Variants in AFG1L observed in about 807,000 individuals in gnomAD.
AFG1L encodes AFG1 like ATPase.
A neutral mutation model predicts 62.2 loss-of-function variants in AFG1L; 53 were observed. The ratio of observed to expected loss-of-function variants is 0.85; its 90% CI spans 0.68 to 1.07. AFG1L has a LOEUF of 1.07. Ranked by LOEUF, AFG1L falls within the 50% of genes least tolerant of loss-of-function variation. The pLI is 0.00. For synonymous variants in AFG1L, 228 were observed against 210.3 expected (o/e 1.08, Z -0.73); for missense variants, 555 against 590.5 (o/e 0.94, Z 0.62).
intron 6 of AFG1L, among the ~76,000 whole-genome samples, chr6:108,382,813 G>A (rs2114560958): frequency 6.6e-6 from 1 of 152,284 alleles, no homozygotes; most frequent in South Asian, 2.1e-4. Context: ...GGGAAACTAG[G>A]AAAAAGCCAC....
intron 7 of AFG1L, among the ~76,000 whole-genome samples, chr6:108,446,650 G>A (rs916748906): frequency 3.9e-5 from 6 of 151,954 alleles, no homozygotes; most frequent in East Asian, 3.9e-4. Context: ...GACTACAGGC[G>A]TGTGCCACCA....
chr6:108,462,677 G>A (rs1772507853), intron 8 of AFG1L, among the ~76,000 whole-genome samples: 1 of 152,064 alleles, frequency 6.6e-6, no homozygotes, highest in Non-Finnish European at 1.5e-5. Flanking sequence ...TCCAGCAGGA[G>A]AACCAGAATA....
chr6:108,480,347 A>G (rs1302634662), intron 10 of AFG1L, among the ~76,000 whole-genome samples: 4 of 152,168 alleles, frequency 2.6e-5, no homozygotes, highest in Admixed American at 2.6e-4. Flanking sequence ...TCCCCATTTT[A>G]TAGGTAGAGA....
At chr6:108,494,546 C>T (rs983124991) in intron 10 of AFG1L, among the ~76,000 whole-genome samples, 1 of 151,976 alleles carries the variant, frequency 6.6e-6, no homozygotes. Flanking sequence ...CTGTGTAAAT[C>T]AAATGGCAAA....
intron 10 of AFG1L, among the ~76,000 whole-genome samples, chr6:108,485,656 A>ATATATATATATATATTT (rs1359021647): frequency 4.0e-5 from 1 of 25,032 alleles, no homozygotes; most frequent in South Asian, 3.0e-3. Flanking sequence ...ATATATATAT[A>ATATATATATATATATTT]TTTTTTTTTT....
At chr6:108,364,630 A>G (rs1258071138) in intron 5 of AFG1L, among the ~76,000 whole-genome samples, 1 of 152,198 alleles carries the variant, frequency 6.6e-6, no homozygotes, top group Non-Finnish European at 1.5e-5. Context: ...AGTTGCTATT[A>G]AAATGTGCAA....
At chr6:108,484,662 A>C (rs919300889) in intron 10 of AFG1L, among the ~76,000 whole-genome samples, 7 of 152,246 alleles carry the variant, frequency 4.6e-5, no homozygotes, top group African/African-American at 1.7e-4. Context: ...ATACACACCT[A>C]GACCTAGCCT....
At chr6:108,300,675 C>CTT (rs397965721) in intron 1 of AFG1L, among the ~76,000 whole-genome samples, 3 of 141,434 alleles carry the variant, frequency 2.1e-5, no homozygotes, top group Non-Finnish European at 4.7e-5. Flanking sequence ...TTTGAACTTA[C>CTT]TTTTTTTTTT....
intron 11 of AFG1L, among the ~76,000 whole-genome samples, chr6:108,516,940 T>C (rs1026094785): frequency 6.6e-6 from 1 of 152,070 alleles, no homozygotes; most frequent in African/African-American, 2.4e-5. Flanking sequence ...GAATCCAACT[T>C]ACAAGGGATG....
At chr6:108,485,660 T>G (rs2355853) in intron 10 of AFG1L, among the ~76,000 whole-genome samples, 1 of 17,690 alleles carries the variant, frequency 5.7e-5, no homozygotes, top group Non-Finnish European at 1.0e-4. Flanking sequence ...ATATATATTT[T>G]TTTTTTTTTT....
chr6:108,506,343 A>G (rs1774420315), intron 10 of AFG1L, among the ~76,000 whole-genome samples: 1 of 152,028 alleles, frequency 6.6e-6, no homozygotes, highest in Non-Finnish European at 1.5e-5. Flanking sequence ...GAGTAGCTGC[A>G]ACTACAGGCG....
At chr6:108,512,982 T>C (rs1260992200) in intron 11 of AFG1L, among the ~76,000 whole-genome samples, 10 of 152,148 alleles carry the variant, frequency 6.6e-5, no homozygotes, top group Non-Finnish European at 1.3e-4. Context: ...TAGAAGGCCA[T>C]TTGGATATGG....
chr6:108,442,393 G>A (rs1771591241), intron 7 of AFG1L, among the ~76,000 whole-genome samples: 1 of 152,142 alleles, frequency 6.6e-6, no homozygotes. Context: ...CAAGGAGAGA[G>A]TAGAATGCAT....
At chr6:108,332,803 C>T (rs972011792) in intron 2 of AFG1L, among the ~76,000 whole-genome samples, 9 of 152,036 alleles carry the variant, frequency 5.9e-5, no homozygotes, top group South Asian at 2.1e-4. Flanking sequence ...GATGTGGTCT[C>T]ACCATGTTGC....
chr6:108,406,022 C>T (rs144028624), intron 7 of AFG1L, among the ~76,000 whole-genome samples: 146 of 152,240 alleles, frequency 9.6e-4, no homozygotes, highest in African/African-American at 3.3e-3. Context: ...TTTGTTTATC[C>T]GTTCACCTGC....
chr6:108,344,803 G>A (rs1028096236), intron 2 of AFG1L: 18 of 470,938 alleles, frequency 3.8e-5, no homozygotes, highest in Non-Finnish European at 7.9e-5. Context: ...GAGTATGAAG[G>A]TTACTCGTCT....
intron 10 of AFG1L, among the ~76,000 whole-genome samples, chr6:108,509,155 T>A (rs1774535808): frequency 1.3e-5 from 2 of 152,190 alleles, no homozygotes; most frequent in South Asian, 2.1e-4. Context: ...CCCCAAAGAA[T>A]GTGTTTGCAG....
chr6:108,371,761 T>C (rs984351037), intron 6 of AFG1L, among the ~76,000 whole-genome samples: 1 of 152,110 alleles, frequency 6.6e-6, no homozygotes, highest in Non-Finnish European at 1.5e-5. Flanking sequence ...TTTAATTAAC[T>C]AATTATTTAT....
At chr6:108,355,932 C>T (rs1285570527) in intron 4 of AFG1L, among the ~76,000 whole-genome samples, 177 bp downstream of exon 4, 2 of 152,098 alleles carry the variant, frequency 1.3e-5, no homozygotes, top group Non-Finnish European at 2.9e-5. Context: ...CAGAGTTGGT[C>T]CTTAAGACCA....
Sources: gnomAD v4.1 joint callset for allele counts (sites outside exome capture counted in the v4.1 genomes callset) on GRCh38, gnomAD v4.1.1 for gene constraint, MANE v1.5 for transcripts, NCBI Gene and HGNC (gene_info 2026-07-23, HGNC 2026-07-21) for gene names.